Variants in KDM4D observed in about 807,000 individuals in gnomAD.
KDM4D encodes the protein lysine demethylase 4D.
For synonymous variants in KDM4D, 254 were observed against 249.1 expected (o/e 1.02, Z -0.19); for missense variants, 427 against 674.8 (o/e 0.63, Z 4.07).
At chr11:94,991,692 G>A (rs1555098696) in intron 2 of KDM4D, among the ~76,000 whole-genome samples, 1 of 151,764 alleles carries the variant, frequency 6.6e-6, no homozygotes, top group Non-Finnish European at 1.5e-5. Flanking sequence ...AAAACTTGGG[G>A]GAGGGGAAAA....
chr11:94,982,325 C>G (rs141906016), intron 2 of KDM4D, among the ~76,000 whole-genome samples: 3 of 151,900 alleles, frequency 2.0e-5, no homozygotes, highest in Non-Finnish European at 4.4e-5. Flanking sequence ...TTTTTAACTG[C>G]TTGATCAGTA....
chr11:94,993,331 A>C (rs1320125496), intron 2 of KDM4D, among the ~76,000 whole-genome samples: 1 of 152,170 alleles, frequency 6.6e-6, no homozygotes, highest in Admixed American at 6.5e-5. Flanking sequence ...ACTGTGGGTA[A>C]GGGTAAAATG....
chr11:94,985,917 G>C (rs766627328), intron 2 of KDM4D, among the ~76,000 whole-genome samples: 1 of 152,204 alleles, frequency 6.6e-6, no homozygotes, highest in Non-Finnish European at 1.5e-5. Context: ...AAGATTGATT[G>C]TGAGCCTGAA....
At position 94,997,624 on chromosome 11, in the gene KDM4D, G is replaced by A. The variant is rs1555099363; in HGVS notation, c.252G>A (p.Gly84=). The change falls in exon 3 of 3, where the codon GGG becomes GGA. Residue 84 remains glycine, a synonymous_variant. Coordinates refer to ENST00000335080, the MANE Select transcript of KDM4D (RefSeq NM_018039.3). ...AGCAGGTGGCCTCTGGGCGGGCAGGGGTGTTTACTCAATACCATAAAAAAA... is the reference window on the plus strand; with the variant it reads ...AGCAGGTGGCCTCTGGGCGGGCAGGAGTGTTTACTCAATACCATAAAAAAA... The part of the protein sequence containing the change: ...PLQQVASGRA[G]VFTQYHKKKK... 2 of 1,613,808 alleles carry A rather than the reference G, an allele frequency of 1.2e-6. No homozygotes were observed. Among genetic ancestry groups the A allele is most frequent in the Non-Finnish European group, 8.5e-7 (1 of 1,179,986 alleles).
chr11:94,975,083 GT>G (rs1857785656), intron 1 of KDM4D, among the ~76,000 whole-genome samples: 1 of 152,182 alleles, frequency 6.6e-6, no homozygotes, highest in Non-Finnish European at 1.5e-5. Flanking sequence ...ACACAGCCAA[GT>G]GGGCATTTCT....
chr11:94,978,994 C>T (rs181773070), intron 2 of KDM4D, among the ~76,000 whole-genome samples: 40 of 152,088 alleles, frequency 2.6e-4, no homozygotes, highest in East Asian at 5.8e-4. Flanking sequence ...TTCTCTCAGA[C>T]GAGCAGATCA....
intron 2 of KDM4D, among the ~76,000 whole-genome samples, chr11:94,995,936 A>G (rs985998915): frequency 3.3e-5 from 5 of 152,010 alleles, no homozygotes; most frequent in African/African-American, 1.2e-4. Flanking sequence ...GCCCTTCTCT[A>G]TGGGGAAAAT....
chr11:94,977,694 C>T (rs1351506089), intron 2 of KDM4D, among the ~76,000 whole-genome samples: 1 of 151,954 alleles, frequency 6.6e-6, no homozygotes, highest in Non-Finnish European at 1.5e-5. Context: ...TGGCATTTAT[C>T]ATCTTCCATG....
At chr11:94,983,655 C>T (rs1009533837) in intron 2 of KDM4D, among the ~76,000 whole-genome samples, 5 of 151,724 alleles carry the variant, frequency 3.3e-5, no homozygotes, top group South Asian at 2.1e-4. Context: ...TTCAGAAAAC[C>T]GAAACCCACA....
At chr11:94,977,647 C>G (rs1565416762) in intron 2 of KDM4D, among the ~76,000 whole-genome samples, 1 of 152,066 alleles carries the variant, frequency 6.6e-6, no homozygotes, top group African/African-American at 2.4e-5. Context: ...CCTCTTTCTT[C>G]TTTTTATCTT....
intron 2 of KDM4D, among the ~76,000 whole-genome samples, chr11:94,992,794 G>A (rs1565419431): frequency 6.6e-6 from 1 of 152,064 alleles, no homozygotes; most frequent in Non-Finnish European, 1.5e-5. Flanking sequence ...CAAAATAGCT[G>A]TCCAATAATA....
chr11:94,989,762 T>C (rs1220280391), intron 2 of KDM4D, among the ~76,000 whole-genome samples: 193 of 149,464 alleles, frequency 1.3e-3, no homozygotes, highest in African/African-American at 4.6e-3. Flanking sequence ...CTTTTTTTTT[T>C]TTTTTTTTGA....
Position 94,997,262 on chromosome 11 carries a change from A to T in KDM4D, c.-111A>T. ...TGCAAAAAAAAAAGTACGCTGGTAG[A>T]TCCTGCTACCTCATAGATAACACCA... is the stretch of plus-strand genomic sequence containing the variant. On this transcript the variant is annotated 5_prime_UTR_variant, in exon 3 of 3. Coordinates refer to ENST00000335080, the MANE Select transcript of KDM4D (RefSeq NM_018039.3). 1.3e-6 allele frequency: 1 copy of T among 754,880 alleles called. No homozygotes were observed. Among genetic ancestry groups the T allele is most frequent in the Non-Finnish European group, 2.0e-6 (1 of 489,372 alleles). The allele number at this position is 754,880 out of a possible 1,614,324, so 46.8% of individuals were successfully genotyped here.
At chr11:94,991,836 A>G (rs1385967) in intron 2 of KDM4D, among the ~76,000 whole-genome samples, 70,055 of 151,210 alleles carry the variant, frequency 0.46, 16,760 homozygotes, top group Non-Finnish European at 0.53. Context: ...AAAGAACTTC[A>G]TTTTTGAGAT....
chr11:94,982,393 C>A (rs1857848722), intron 2 of KDM4D, among the ~76,000 whole-genome samples: 1 of 151,730 alleles, frequency 6.6e-6, no homozygotes, highest in Admixed American at 6.6e-5. Flanking sequence ...AGTGTCTCAG[C>A]TTAGATGGTA....
chr11:94,981,608 T>C (rs928524033), intron 2 of KDM4D, among the ~76,000 whole-genome samples: 1 of 152,064 alleles, frequency 6.6e-6, no homozygotes, highest in African/African-American at 2.4e-5. Context: ...TTCATTGAAA[T>C]GTTAAACTGT....
At chr11:94,980,397 T>C (rs1181035480) in intron 2 of KDM4D, among the ~76,000 whole-genome samples, 2 of 152,142 alleles carry the variant, frequency 1.3e-5, no homozygotes, top group African/African-American at 4.8e-5. Context: ...CCCTTTGGAC[T>C]TTACTATAAA....
chr11:94,981,528 T>C (rs1437163466), intron 2 of KDM4D, among the ~76,000 whole-genome samples: 1 of 152,062 alleles, frequency 6.6e-6, no homozygotes, highest in Non-Finnish European at 1.5e-5. Context: ...TTGAGGGTTA[T>C]GGATATATTT....
At chr11:94,993,395 T>C (rs1263878781) in intron 2 of KDM4D, among the ~76,000 whole-genome samples, 1 of 152,136 alleles carries the variant, frequency 6.6e-6, no homozygotes, top group Non-Finnish European at 1.5e-5. Flanking sequence ...ATGGTTCCAG[T>C]TGAAAGAAGC....
Sources: gnomAD v4.1 joint callset for allele counts (sites outside exome capture counted in the v4.1 genomes callset) on GRCh38, gnomAD v4.1.1 for gene constraint, MANE v1.5 for transcripts, NCBI Gene and HGNC (gene_info 2026-07-23, HGNC 2026-07-21) for gene names.